RRM2: variants seen among roughly 807,000 people sequenced by gnomAD.
The protein encoded by RRM2 is ribonucleotide reductase regulatory subunit M2.
RRM2 carries 6 observed loss-of-function variants against 45.9 expected under a neutral mutation model. The ratio of observed to expected loss-of-function variants is 0.13; its 90% CI spans 0.07 to 0.26. The LOEUF (loss-of-function observed/expected upper bound fraction) is 0.26, where lower values mean the gene tolerates loss of function less well. Ranked by LOEUF, RRM2 falls within the 10% of genes least tolerant of loss-of-function variation. The pLI, the probability that RRM2 is intolerant of heterozygous loss-of-function variation, is 1.00. For missense variants in RRM2, 343 were observed against 489.5 expected, an observed-to-expected ratio of 0.70 and a Z score of 2.82; for synonymous variants, 177 against 173.0, an observed-to-expected ratio of 1.02 and a Z score of -0.18.
rs1558380757 is a variant in RRM2, at chr2:10,127,048, CAACTCACT to C, written c.665-37_665-30del. On this transcript the variant is annotated intron_variant, in intron 6 of 9. Coordinates refer to ENST00000304567, the MANE Select transcript of RRM2 (RefSeq NM_001034.4). The surrounding 1 kb of genome is among the most constrained non-coding windows in gnomAD (Gnocchi z 4.1). ...TACTGGATTTTTGGCCCTTGAATAC[CAACTCACT>C]AGAATCATGTTGGTGTTAACTCCTA... The C allele has an allele frequency of 6.2e-7, 1 of 1,611,842 alleles. No homozygotes were observed. Among genetic ancestry groups the C allele is most frequent in the African/African-American group, 1.3e-5 (1 of 74,966 alleles).
In RRM2 at chr2:10,125,764, G is replaced by A. The variant is rs1387539224; in HGVS notation, c.569+914G>A. Reference sequence around the variant, plus strand: ...GGTGAAGCTGCAACCTAAAGTAGCCGTTGTAGACTTTGAAGTACATGAAGA... The same window carrying A: ...GGTGAAGCTGCAACCTAAAGTAGCCATTGTAGACTTTGAAGTACATGAAGA... On this transcript the variant is annotated intron_variant, in intron 5 of 9. Coordinates refer to ENST00000304567, the MANE Select transcript of RRM2 (RefSeq NM_001034.4). Among the ~76,000 whole-genome samples, 10 of 152,204 alleles carry A rather than the reference G, an allele frequency of 6.6e-5. No individual in the cohort carries two copies. The East Asian group carries it at 1.7e-3, about 26-fold the overall frequency.
chr2:10,142,036 G>A, intron 2 of RRM2: 1 of 1,585,030 alleles, frequency 6.3e-7, no homozygotes, highest in Non-Finnish European at 8.6e-7. Context: ...TTTCATGTGG[G>A]GAGCCAGAGG....
chr2:10,123,590 G>A, intron 3 of RRM2, 60 bp downstream of exon 3: 7 of 1,565,688 alleles, frequency 4.5e-6, no homozygotes, highest in African/African-American at 1.4e-5. Context: ...AGACATAAAT[G>A]CACTTGGAGG....
intron 3 of RRM2, among the ~76,000 whole-genome samples, chr2:10,160,995 T>C (rs977350613): frequency 6.6e-6 from 1 of 152,196 alleles, no homozygotes; most frequent in Non-Finnish European, 1.5e-5. Context: ...CGAGCCTCCC[T>C]CTTTGGGGCT....
At chr2:10,174,149 G>A (rs2160191) in intron 3 of RRM2, among the ~76,000 whole-genome samples, 86,791 of 152,064 alleles carry the variant, frequency 0.57, 26,583 homozygotes, top group Non-Finnish European at 0.69. Flanking sequence ...ACATGGGGAG[G>A]AGGCGGCTGC....
intron 2 of RRM2, 90 bp downstream of exon 2, chr2:10,123,147 C>A: frequency 7.1e-7 from 1 of 1,408,710 alleles, no homozygotes; most frequent in Non-Finnish European, 9.4e-7. Context: ...GTTCACACTC[C>A]CGCCCCGGCT....
At chr2:10,176,351 C>T (rs1663913290) in intron 3 of RRM2, among the ~76,000 whole-genome samples, 1 of 152,232 alleles carries the variant, frequency 6.6e-6, no homozygotes, top group African/African-American at 2.4e-5. Context: ...TCACTGCAAC[C>T]TCCGCCTCCC....
At chr2:10,210,510 C>T (rs767587126) in exon 4 of RRM2, 4 of 1,367,546 alleles carry the variant, frequency 2.9e-6, no homozygotes, top group Admixed American at 3.8e-5. Flanking sequence ...CGCTGGGCTC[C>T]AAGCTTCAGC....
chr2:10,209,555 A>C (rs999817738), intron 3 of RRM2, among the ~76,000 whole-genome samples: 10 of 151,974 alleles, frequency 6.6e-5, no homozygotes, highest in Non-Finnish European at 1.5e-5. Flanking sequence ...CCTCCCTGGG[A>C]CTGCAGCTGA....
At chr2:10,122,731 G>A, upstream of RRM2, 2 of 1,552,000 alleles carry the variant, frequency 1.3e-6, no homozygotes, top group Non-Finnish European at 8.7e-7. Context: ...TGGAGTGAGG[G>A]GTCGCCCGTG....
intron 4 of RRM2, 67 bp downstream of exon 4, chr2:10,123,919 C>T (rs1662725271): frequency 1.1e-6 from 1 of 914,852 alleles, no homozygotes; most frequent in African/African-American, 1.6e-5. Flanking sequence ...GTTCGCTTTC[C>T]TCGTCTTGTA....
chr2:10,125,532 C>T (rs1033452184), intron 5 of RRM2, among the ~76,000 whole-genome samples: 2 of 152,044 alleles, frequency 1.3e-5, no homozygotes, highest in Admixed American at 6.6e-5. Context: ...GGTGAAACCC[C>T]GTCTCTACTA....
At chr2:10,122,664 G>A (rs776741239), upstream of RRM2, 16 of 1,549,172 alleles carry the variant, frequency 1.0e-5, no homozygotes, top group Middle Eastern at 1.7e-4. Flanking sequence ...AAGGGCCGGG[G>A]CACCAAAGCC....
rs1662857143 is a variant in RRM2, at chr2:10,129,682, CCTT to C, written c.*297_*299del. On this transcript the variant is annotated 3_prime_UTR_variant, in exon 10 of 10. Coordinates refer to ENST00000304567, the MANE Select transcript of RRM2 (RefSeq NM_001034.4). This position sits in a 1 kb window ranked among gnomAD's most constrained non-coding sequence, Gnocchi z 4.8. ...GCTTAGCACAGCGGGATTAAACAGT[CCTT>C]TAACCAGCACAGCCAGTTAAAAGAT... 6.4e-6 allele frequency: 2 copies of C among 312,358 alleles called. No individual in the cohort carries two copies. Among genetic ancestry groups the C allele is most frequent in the South Asian group, 2.1e-4 (2 of 9,606 alleles). The allele number at this position is 312,358 out of a possible 1,614,324, so 19.3% of individuals were successfully genotyped here. A position where few individuals can be genotyped will look rare whatever the true frequency, so the allele number is the denominator to read the frequency against.
intron 3 of RRM2, among the ~76,000 whole-genome samples, chr2:10,144,197 C>T (rs376285642): frequency 1.3e-5 from 2 of 152,132 alleles, no homozygotes; most frequent in East Asian, 1.9e-4. Context: ...AACTCTGGGC[C>T]GGGTCTGGGG....
At chr2:10,186,295 G>A (rs142872118) in intron 3 of RRM2, among the ~76,000 whole-genome samples, 1 of 150,768 alleles carries the variant, frequency 6.6e-6, no homozygotes, top group Non-Finnish European at 1.5e-5. Context: ...TTACAGGCGC[G>A]CACCGCCATG....
At chr2:10,184,091 T>TAAAA (rs60421650) in intron 3 of RRM2, among the ~76,000 whole-genome samples, 1,460 of 30,640 alleles carry the variant, frequency 0.048, 243 homozygotes, top group Non-Finnish European at 0.062. Context: ...AGACTCCATC[T>TAAAA]AAAAAAAAAA....
At chr2:10,124,048 T>C (rs758342222) in intron 4 of RRM2, 196 bp downstream of exon 4, 8 of 586,042 alleles carry the variant, frequency 1.4e-5, no homozygotes, top group Non-Finnish European at 2.4e-5. Flanking sequence ...CTAGAGAAGC[T>C]GAGACAATAT....
downstream of RRM2, among the ~76,000 whole-genome samples, chr2:10,131,943 C>T (rs1415883489): frequency 2.0e-5 from 3 of 152,168 alleles, no homozygotes; most frequent in Non-Finnish European, 2.9e-5. Flanking sequence ...GGGGGAGCCA[C>T]TCCTGGGGCT....
Sources: allele counts gnomAD v4.1 joint callset (sites outside exome capture counted in the v4.1 genomes callset), GRCh38; gene constraint gnomAD v4.1.1; non-coding constraint Gnocchi (gnomAD v3.1); transcripts MANE v1.5; gene names NCBI Gene and HGNC (gene_info 2026-07-23, HGNC 2026-07-21).